Variants in KBTBD11 observed in about 807,000 individuals in gnomAD.
KBTBD11 encodes the protein kelch repeat and BTB domain-containing protein 11.
For missense variants in KBTBD11, 1,390 were observed against 1,001.8 expected (o/e 1.39, Z -5.23); for synonymous variants, 747 against 499.0 (o/e 1.50, Z -6.63).
chr8:1,985,655 A>T (rs967616847), intron 1 of KBTBD11, among the ~76,000 whole-genome samples: 2 of 152,382 alleles, frequency 1.3e-5, no homozygotes, highest in Admixed American at 1.3e-4. Flanking sequence ...TTTTAGAGAA[A>T]AACACGAAAT....
chr8:2,002,184 A>G lies in KBTBD11; in HGVS notation c.992A>G (p.His331Arg). The G allele has an allele frequency of 1.6e-6, 2 of 1,242,592 alleles. No homozygotes were observed. Among genetic ancestry groups the G allele is most frequent in the Admixed American group, 8.4e-5 (2 of 23,724 alleles). 77.0% of individuals were successfully genotyped at this position (1,242,592 alleles called of 1,614,324 possible). ...ARGDAAVYCF[H>R]AAAGEWRELT... Reference sequence around the variant, plus strand: ...GGGGACGCGGCCGTCTACTGCTTCCACGCGGCGGCCGGAGAGTGGCGCGAG... The same window carrying G: ...GGGGACGCGGCCGTCTACTGCTTCCGCGCGGCGGCCGGAGAGTGGCGCGAG... The change falls in exon 2 of 2, where the codon CAC (histidine) becomes CGC (arginine). Residue 331 changes from histidine (H) to arginine (R), a missense_variant. Transcript: ENST00000320248. The surrounding 1 kb of genome is among the most constrained non-coding windows in gnomAD (Gnocchi z 4.1).
Position 2,001,892 on chromosome 8 carries a change from GC to G in KBTBD11, c.702del (p.Asn235ThrfsTer6). 7.1e-7 allele frequency: 1 copy of G among 1,408,278 alleles called. No individual in the cohort carries two copies. Among genetic ancestry groups the G allele is most frequent in the Middle Eastern group, 2.2e-4 (1 of 4,650 alleles). 87.2% of individuals were successfully genotyped at this position (1,408,278 alleles called of 1,614,324 possible). ...TDAVGPQLSL[A>X]NCYEVLSAAK... ...CGCCGTGGGGCCGCAGCTGAGCCTG[GC>G]CAACTGCTACGAGGTCCTGAGCGCG... is the stretch of plus-strand genomic sequence containing the variant. On this transcript the variant is annotated frameshift_variant, in exon 2 of 2. Transcript: ENST00000320248. LOFTEE classifies it low-confidence loss of function (END_TRUNC).
chr8:2,001,385 C>T lies in KBTBD11; in HGVS notation c.193C>T (p.Pro65Ser), dbSNP rs1315708665. 6.9e-7 allele frequency: 1 copy of T among 1,457,466 alleles called. No individual in the cohort carries two copies. Among genetic ancestry groups the T allele is most frequent in the Admixed American group, 2.4e-5 (1 of 41,762 alleles). 90.3% of individuals were successfully genotyped at this position (1,457,466 alleles called of 1,614,324 possible). ...ASAAEGAATSPPSSGGPRVVE... is the reference protein window; with the variant it reads ...ASAAEGAATSSPSSGGPRVVE... ...AGCGGCGGAAGGCGCGGCCACCTCCCCGCCCTCCAGCGGTGGCCCGCGGGT... is the reference window on the plus strand; with the variant it reads ...AGCGGCGGAAGGCGCGGCCACCTCCTCGCCCTCCAGCGGTGGCCCGCGGGT... The change falls in exon 2 of 2, where the codon CCG becomes TCG. Residue 65 changes from proline (P) to serine (S), a missense_variant. By Grantham distance (74) the Pro-to-Ser change is moderately conservative. Coordinates refer to ENST00000320248, the MANE Select transcript of KBTBD11 (RefSeq NM_014867.3).
At chr8:1,976,680 C>T (rs1017570593) in intron 1 of KBTBD11, among the ~76,000 whole-genome samples, 5 of 152,124 alleles carry the variant, frequency 3.3e-5, no homozygotes, top group Non-Finnish European at 7.3e-5. Context: ...CAGTGAAAGG[C>T]ATTCAGCATA....
At chr8:1,979,187 G>T (rs12679875) in intron 1 of KBTBD11, among the ~76,000 whole-genome samples, 6 of 152,302 alleles carry the variant, frequency 3.9e-5, no homozygotes, top group East Asian at 1.9e-4. Context: ...AGGCTGGATA[G>T]CCAGGGAAGT....
rs1354085126 is a variant in KBTBD11 at position 2,001,819 on chromosome 8, C to A, written c.627C>A (p.Ala209=). Residue 209 remains alanine (A), a synonymous_variant, in exon 2 of 2, where the codon GCC becomes GCA. Coordinates refer to ENST00000320248, the MANE Select transcript of KBTBD11 (RefSeq NM_014867.3). ...CCGACAACGTGGCCGAGGTGGTGGC[C>A]GGCGCGCGCCGCCTGCAGCTGCCCG... ...VRPDNVAEVV[A]GARRLQLPGA... The A allele has an allele frequency of 8.2e-7, 1 of 1,221,716 alleles. No homozygotes were observed. The highest frequency in any genetic ancestry group is 1.6e-5 in the African/African-American group (1 of 62,708). The allele number at this position is 1,221,716 out of a possible 1,614,324, so 75.7% of individuals were successfully genotyped here. A position where few individuals can be genotyped will look rare whatever the true frequency, so the allele number is the denominator to read the frequency against.
chr8:1,998,550 C>A (rs919624472), intron 1 of KBTBD11, among the ~76,000 whole-genome samples: 15 of 152,290 alleles, frequency 9.8e-5, no homozygotes, highest in South Asian at 4.1e-4. Flanking sequence ...GGCTCCTGTA[C>A]ATTGCAGGAC....
At chr8:1,997,243 C>T (rs938312941) in intron 1 of KBTBD11, among the ~76,000 whole-genome samples, 5 of 152,186 alleles carry the variant, frequency 3.3e-5, no homozygotes, top group African/African-American at 9.6e-5. Flanking sequence ...AAAATGGTGG[C>T]GGTGGGAGGA....
intron 1 of KBTBD11, among the ~76,000 whole-genome samples, chr8:1,984,464 T>G (rs920392630): frequency 2.6e-5 from 4 of 151,856 alleles, no homozygotes; most frequent in African/African-American, 9.7e-5. Context: ...ATTTTTTGTG[T>G]TTTTAGTAGA....
At chr8:1,992,831 ATT>A (rs57768291) in intron 1 of KBTBD11, among the ~76,000 whole-genome samples, 11 of 150,716 alleles carry the variant, frequency 7.3e-5, no homozygotes, top group African/African-American at 2.2e-4. Context: ...TCTTTTATTT[ATT>A]TTTTTTTTTC....
Position 1,973,873 on chromosome 8 carries a change from G to A in KBTBD11, c.-971G>A, listed in dbSNP as rs1816208911. On this transcript the variant is annotated 5_prime_UTR_variant, in exon 1 of 2. Coordinates refer to ENST00000320248, the MANE Select transcript of KBTBD11 (RefSeq NM_014867.3). ...TGCCGGGAAGCGGCCGCGCGCATGC[G>A]CCGGAGCCCACCCGCCTGGCTGCGC... The A allele has an allele frequency of 1.0e-6, 1 of 982,904 alleles. No individual in the cohort carries two copies. 60.9% of individuals were successfully genotyped at this position (982,904 alleles called of 1,614,324 possible). A position where few individuals can be genotyped will look rare whatever the true frequency, so the allele number is the denominator to read the frequency against.
At chr8:1,981,343 T>G (rs977819826) in intron 1 of KBTBD11, among the ~76,000 whole-genome samples, 3 of 152,148 alleles carry the variant, frequency 2.0e-5, no homozygotes, top group African/African-American at 7.2e-5. Flanking sequence ...ATGAAAACAT[T>G]GAAAAGTGTA....
intron 1 of KBTBD11, among the ~76,000 whole-genome samples, chr8:1,978,663 A>G (rs34093907): frequency 0.11 from 16,228 of 152,234 alleles, 1,444 homozygotes; most frequent in African/African-American, 0.24. Flanking sequence ...GCCACGTAGA[A>G]GGGGAGGGAA....
In KBTBD11 at chr8:2,002,806, C is replaced by G. The variant is rs765045867; in HGVS notation, c.1614C>G (p.Val538=). 2 of 1,438,830 alleles carry G rather than the reference C, an allele frequency of 1.4e-6. No individual in the cohort carries two copies. Among genetic ancestry groups the G allele is most frequent in the East Asian group, 3.0e-5 (1 of 33,740 alleles). 89.1% of individuals were successfully genotyped at this position (1,438,830 alleles called of 1,614,324 possible). ...TGGCCAAGCAGTGGAGCCCGTGCGT[C>G]GCGCCCCTGCGCCTCCCCGGCGGCC... ...HCLAKQWSPC[V]APLRLPGGPT... is the part of the protein sequence containing the mutation. The change falls in exon 2 of 2, where the codon GTC becomes GTG. Residue 538 remains valine, a synonymous_variant. Transcript: ENST00000320248. This position sits in a 1 kb window ranked among gnomAD's most constrained non-coding sequence, Gnocchi z 4.1.
At position 2,004,807 on chromosome 8, in the gene KBTBD11, G is replaced by A. The variant is rs1357130056; in HGVS notation, c.*1743G>A. On this transcript the variant is annotated 3_prime_UTR_variant, in exon 2 of 2. Transcript: ENST00000320248. The stretch of plus-strand genomic sequence containing the variant: ...TTTATAGGAGTATACTGGAGAAATG[G>A]TTGTAGAAACAGTATTTACAGCAAA... The A allele has an allele frequency of 2.4e-5, 4 of 166,982 alleles. No individual in the cohort carries two copies. Among genetic ancestry groups the A allele is most frequent in the African/African-American group, 4.8e-5 (2 of 41,406 alleles). The allele number at this position is 166,982 out of a possible 1,614,324, so 10.3% of individuals were successfully genotyped here. A position where few individuals can be genotyped will look rare whatever the true frequency, so the allele number is the denominator to read the frequency against.
chr8:1,985,966 T>C (rs1199991281), intron 1 of KBTBD11, among the ~76,000 whole-genome samples: 2 of 152,254 alleles, frequency 1.3e-5, no homozygotes, highest in African/African-American at 2.4e-5. Flanking sequence ...CGCGTGGCAA[T>C]TGCAGGACCA....
chr8:1,982,736 T>G (rs1393572058), intron 1 of KBTBD11, among the ~76,000 whole-genome samples: 1 of 151,372 alleles, frequency 6.6e-6, no homozygotes, highest in Non-Finnish European at 1.5e-5. Flanking sequence ...TAGTATGAGT[T>G]GCTGAGCACT....
intron 1 of KBTBD11, among the ~76,000 whole-genome samples, chr8:1,980,061 C>T (rs1383332997): frequency 6.6e-6 from 1 of 152,160 alleles, no homozygotes; most frequent in Non-Finnish European, 1.5e-5. Context: ...CCTGAAAGTG[C>T]TGTGGGGTTT....
At chr8:1,984,823 A>G (rs980274556) in intron 1 of KBTBD11, among the ~76,000 whole-genome samples, 1 of 152,170 alleles carries the variant, frequency 6.6e-6, no homozygotes, top group Non-Finnish European at 1.5e-5. Flanking sequence ...CGATCATTGG[A>G]AATGAAACCC....
Sources: allele counts gnomAD v4.1 joint callset (sites outside exome capture counted in the v4.1 genomes callset), GRCh38; gene constraint gnomAD v4.1.1; non-coding constraint Gnocchi (gnomAD v3.1); transcripts MANE v1.5; gene names NCBI Gene and HGNC (gene_info 2026-07-23, HGNC 2026-07-21).